KCNQ5: variants seen among roughly 807,000 people sequenced by gnomAD.
KCNQ5 encodes potassium voltage-gated channel subfamily Q member 5.
KCNQ5 carries 30 observed loss-of-function variants against 98.2 expected under a neutral mutation model. The ratio of observed to expected loss-of-function variants is 0.31; its 90% CI spans 0.23 to 0.41. KCNQ5 has a LOEUF of 0.41. Ranked by LOEUF, KCNQ5 falls within the 10% of genes least tolerant of loss-of-function variation. The pLI is 1.00. For missense variants in KCNQ5, 835 were observed against 1,182.5 expected, an observed-to-expected ratio of 0.71 and a Z score of 4.31; for synonymous variants, 458 against 449.4, an observed-to-expected ratio of 1.02 and a Z score of -0.24.
chr6:72,703,087 G>A (rs932597408), intron 1 of KCNQ5, among the ~76,000 whole-genome samples: 1 of 152,162 alleles, frequency 6.6e-6, no homozygotes, highest in Non-Finnish European at 1.5e-5. Context: ...CCCCCGCAGT[G>A]GCTCCTCACA....
chr6:73,182,285 TGAG>T (rs2150515701), intron 11 of KCNQ5, among the ~76,000 whole-genome samples: 1 of 152,320 alleles, frequency 6.6e-6, no homozygotes, highest in Non-Finnish European at 1.5e-5. Flanking sequence ...GTGGCTGACT[TGAG>T]TAGTTTCAGC....
chr6:72,832,870 A>C (rs1175790006), intron 1 of KCNQ5, among the ~76,000 whole-genome samples: 1 of 152,138 alleles, frequency 6.6e-6, no homozygotes, highest in Non-Finnish European at 1.5e-5. Context: ...CCACATGCTC[A>C]TATCTCTTCT....
chr6:72,846,700 C>T (rs1392268722), intron 1 of KCNQ5, among the ~76,000 whole-genome samples: 1 of 152,064 alleles, frequency 6.6e-6, no homozygotes, highest in Non-Finnish European at 1.5e-5. Flanking sequence ...GCCCTGACTG[C>T]TTATGTACCT....
At chr6:72,832,561 G>T (rs147446891) in intron 1 of KCNQ5, among the ~76,000 whole-genome samples, 216 of 152,222 alleles carry the variant, frequency 1.4e-3, no homozygotes, top group African/African-American at 4.8e-3. Flanking sequence ...CTCTGTGTTT[G>T]CCAAAAGAAA....
chr6:72,766,428 A>G (rs1251293177), intron 1 of KCNQ5, among the ~76,000 whole-genome samples: 1 of 152,020 alleles, frequency 6.6e-6, no homozygotes, highest in South Asian at 2.1e-4. Flanking sequence ...CTGTATTTTA[A>G]AATAATCACT....
chr6:72,683,024 T>C (rs905666279), intron 1 of KCNQ5, among the ~76,000 whole-genome samples: 2 of 152,202 alleles, frequency 1.3e-5, no homozygotes, highest in African/African-American at 2.4e-5. Context: ...CCATACGTGA[T>C]TTTTTAACTC....
At chr6:72,907,172 G>A (rs1431654917) in intron 1 of KCNQ5, among the ~76,000 whole-genome samples, 1 of 152,054 alleles carries the variant, frequency 6.6e-6, no homozygotes, top group East Asian at 1.9e-4. Flanking sequence ...GTCTACCCCC[G>A]GAGAGGAGGG....
intron 1 of KCNQ5, among the ~76,000 whole-genome samples, chr6:72,785,932 A>G (rs1217217820): frequency 6.6e-6 from 1 of 152,014 alleles, no homozygotes; most frequent in Non-Finnish European, 1.5e-5. Context: ...GGACAGTTCA[A>G]CCTCTGCTGT....
intron 5 of KCNQ5, among the ~76,000 whole-genome samples, chr6:73,101,095 C>G (rs1391590723): frequency 6.6e-6 from 1 of 152,128 alleles, no homozygotes; most frequent in Non-Finnish European, 1.5e-5. Context: ...TCAAACTATT[C>G]CAAAAAGTAG....
intron 1 of KCNQ5, among the ~76,000 whole-genome samples, chr6:72,894,320 A>G (rs1779165711): frequency 1.3e-5 from 2 of 152,216 alleles, no homozygotes; most frequent in Admixed American, 1.3e-4. Flanking sequence ...AGAATTACCC[A>G]GTACCTTGAT....
At chr6:72,870,496 C>G (rs1488897735) in intron 1 of KCNQ5, among the ~76,000 whole-genome samples, 1 of 152,046 alleles carries the variant, frequency 6.6e-6, no homozygotes, top group Non-Finnish European at 1.5e-5. Context: ...AATGATCGGC[C>G]TGCCTCAGCC....
At chr6:72,957,903 A>G (rs1285356803) in intron 1 of KCNQ5, among the ~76,000 whole-genome samples, 1 of 152,030 alleles carries the variant, frequency 6.6e-6, no homozygotes, top group Non-Finnish European at 1.5e-5. Flanking sequence ...AATGTTTTCT[A>G]TAAATCACTC....
chr6:72,704,972 T>A (rs923488235), intron 1 of KCNQ5, among the ~76,000 whole-genome samples: 1 of 152,176 alleles, frequency 6.6e-6, no homozygotes, highest in African/African-American at 2.4e-5. Context: ...TTCAAATTAT[T>A]TCTAATATGA....
intron 1 of KCNQ5, among the ~76,000 whole-genome samples, chr6:72,753,924 T>C (rs1180664328): frequency 1.3e-5 from 2 of 152,166 alleles, no homozygotes; most frequent in Non-Finnish European, 2.9e-5. Flanking sequence ...TTTAAACTTG[T>C]GTAGATTCTT....
intron 1 of KCNQ5, among the ~76,000 whole-genome samples, chr6:72,730,158 A>G (rs1561946822): frequency 6.6e-6 from 1 of 152,222 alleles, no homozygotes. Flanking sequence ...CCCTGTCACT[A>G]TATAAAGAAA....
intron 1 of KCNQ5, among the ~76,000 whole-genome samples, chr6:72,865,628 T>C (rs1777950172): frequency 1.3e-5 from 2 of 152,108 alleles, no homozygotes; most frequent in South Asian, 2.1e-4. Context: ...TGGAGACATG[T>C]CACGAAAACT....
chr6:72,816,597 C>T (rs1200850904), intron 1 of KCNQ5, among the ~76,000 whole-genome samples: 2 of 152,128 alleles, frequency 1.3e-5, no homozygotes, highest in Non-Finnish European at 2.9e-5. Flanking sequence ...ATGTAATTGA[C>T]ATGTTCCAAT....
chr6:72,975,925 G>A (rs1768141039), intron 1 of KCNQ5, among the ~76,000 whole-genome samples: 2 of 152,190 alleles, frequency 1.3e-5, no homozygotes, highest in South Asian at 4.1e-4. Context: ...CATGAAATGT[G>A]AATGCGCTCA....
intron 3 of KCNQ5, among the ~76,000 whole-genome samples, chr6:73,049,694 G>A (rs1336386732): frequency 1.3e-5 from 2 of 152,098 alleles, no homozygotes; most frequent in Non-Finnish European, 2.9e-5. Flanking sequence ...CGTATTTTCA[G>A]CATGTACTAG....
Sources: gnomAD v4.1 joint callset for allele counts (sites outside exome capture counted in the v4.1 genomes callset) on GRCh38, gnomAD v4.1.1 for gene constraint, MANE v1.5 for transcripts, NCBI Gene and HGNC (gene_info 2026-07-23, HGNC 2026-07-21) for gene names.